The following SNX27 variants were observed in gnomAD, a reference collection of about 807,000 sequenced individuals.
The protein encoded by SNX27 is sorting nexin-27.
In SNX27, 22 loss-of-function variants were observed where a neutral mutation model predicts 71.6. The observed-to-expected ratio is 0.31, with a 90% CI of 0.22 to 0.44. The LOEUF (loss-of-function observed/expected upper bound fraction) is 0.44. SNX27 is among the 20% of genes least tolerant of loss of function. The pLI is 1.00. For missense variants in SNX27, 531 were observed against 698.6 expected (o/e 0.76, Z 2.70); for synonymous variants, 269 against 277.2 (o/e 0.97, Z 0.29).
chr1:151,672,222 A>G (rs952820133), intron 7 of SNX27, among the ~76,000 whole-genome samples: 1 of 152,102 alleles, frequency 6.6e-6, no homozygotes, highest in African/African-American at 2.4e-5. Flanking sequence ...GTTGAATTTT[A>G]TCAAATGCTT....
chr1:151,637,728 G>A (rs981509528), intron 1 of SNX27, among the ~76,000 whole-genome samples: 1 of 152,110 alleles, frequency 6.6e-6, no homozygotes, highest in African/African-American at 2.4e-5. Context: ...TATATAAATG[G>A]ATATTTCAGA....
intron 1 of SNX27, among the ~76,000 whole-genome samples, chr1:151,631,077 A>G (rs1453595443): frequency 2.6e-5 from 4 of 152,242 alleles, no homozygotes. Context: ...TAAGATAGCA[A>G]GGAGGCAGAG....
intron 1 of SNX27, among the ~76,000 whole-genome samples, chr1:151,628,348 A>G (rs377470804): frequency 3.3e-5 from 5 of 152,268 alleles, no homozygotes; most frequent in East Asian, 1.9e-4. Flanking sequence ...TAGAGGCATA[A>G]TACTCAACTG....
At chr1:151,643,178 G>T (rs970691197) in intron 2 of SNX27, among the ~76,000 whole-genome samples, 17 of 148,206 alleles carry the variant, frequency 1.1e-4, no homozygotes, top group African/African-American at 4.0e-4. Flanking sequence ...TGGTCAGGCT[G>T]GTCTGGAACT....
chr1:151,674,674 C>T (rs1214178359), intron 7 of SNX27, among the ~76,000 whole-genome samples: 1 of 151,682 alleles, frequency 6.6e-6, no homozygotes, highest in African/African-American at 2.4e-5. Flanking sequence ...AGGAAAGGAT[C>T]TCAGAATTTG....
At chr1:151,656,079 C>T (rs1045880858) in intron 2 of SNX27, among the ~76,000 whole-genome samples, 11 of 151,946 alleles carry the variant, frequency 7.2e-5, no homozygotes, top group South Asian at 2.1e-4. Flanking sequence ...AAAAATTAGC[C>T]GGCCATGGTG....
At chr1:151,651,890 A>G (rs1669402316) in intron 2 of SNX27, among the ~76,000 whole-genome samples, 1 of 151,934 alleles carries the variant, frequency 6.6e-6, no homozygotes, top group African/African-American at 2.4e-5. Flanking sequence ...AGATCACGCC[A>G]CTGCACTCCA....
intron 1 of SNX27, among the ~76,000 whole-genome samples, chr1:151,620,694 C>CTTTTTTTTTT (rs35641892): frequency 1.4e-5 from 2 of 143,736 alleles, no homozygotes; most frequent in Non-Finnish European, 1.5e-5. Flanking sequence ...TTTGAAGATG[C>CTTTTTTTTTT]TTTTTTTTTT....
chr1:151,637,182 T>TTTA (rs1668503105), intron 1 of SNX27, among the ~76,000 whole-genome samples: 2 of 134,986 alleles, frequency 1.5e-5, no homozygotes, highest in African/African-American at 2.7e-5. Context: ...TTTTTTTTTT[T>TTTA]GAGACAGAGT....
At chr1:151,659,116 T>C (rs1669838852) in intron 3 of SNX27, among the ~76,000 whole-genome samples, 1 of 152,252 alleles carries the variant, frequency 6.6e-6, no homozygotes, top group Non-Finnish European at 1.5e-5. Flanking sequence ...TGCTGTATCC[T>C]ACATGAAAAC....
intron 8 of SNX27, among the ~76,000 whole-genome samples, chr1:151,691,596 G>A (rs1276041046): frequency 3.3e-5 from 5 of 150,352 alleles, no homozygotes. Flanking sequence ...TCAGCCTTCC[G>A]AGTAGCTGGA....
At chr1:151,646,698 A>G in intron 2 of SNX27, among the ~76,000 whole-genome samples, 1 of 149,148 alleles carries the variant, frequency 6.7e-6, no homozygotes, top group East Asian at 1.9e-4. Flanking sequence ...TATAATATAT[A>G]TTTGTATTGG....
chr1:151,684,524 A>G (rs1037307307), intron 8 of SNX27, among the ~76,000 whole-genome samples: 6 of 152,240 alleles, frequency 3.9e-5, no homozygotes, highest in African/African-American at 1.2e-4. Flanking sequence ...TTAGTAAAGA[A>G]CACATAAAAA....
chr1:151,670,091 A>G (rs930386380), intron 7 of SNX27, among the ~76,000 whole-genome samples: 2 of 151,828 alleles, frequency 1.3e-5, no homozygotes, highest in Admixed American at 6.6e-5. Flanking sequence ...CTCTATCTCC[A>G]TGGGTTCAAT....
intron 2 of SNX27, among the ~76,000 whole-genome samples, chr1:151,642,568 T>A (rs1222130680): frequency 1.2e-4 from 19 of 152,088 alleles, no homozygotes; most frequent in Admixed American, 1.2e-3. Flanking sequence ...AGGACACCAA[T>A]CTTTTATGTT....
intron 5 of SNX27, among the ~76,000 whole-genome samples, chr1:151,663,411 A>G (rs1473576044): frequency 6.6e-6 from 1 of 152,076 alleles, no homozygotes; most frequent in African/African-American, 2.4e-5. Context: ...TGGCCTCCCA[A>G]AGTGCTGGGA....
intron 7 of SNX27, chr1:151,677,496 A>C (rs1262063915): frequency 6.6e-6 from 1 of 152,208 alleles, no homozygotes; most frequent in Admixed American, 6.5e-5. Context: ...CATTGCTGAG[A>C]TCTGTTTTCT....
rs941827348 is a variant in SNX27 at position 151,642,930 on chromosome 1, G to A, written c.543+3811G>A. Among the ~76,000 whole-genome samples, 20 of 147,444 alleles carry A rather than the reference G, an allele frequency of 1.4e-4. No individual in the cohort carries two copies. The South Asian group carries it at 2.8e-3, about 21-fold the overall frequency. On this transcript the variant is annotated intron_variant, in intron 2 of 11. Coordinates refer to ENST00000458013, the MANE Select transcript of SNX27 (RefSeq NM_001330723.2). Reference sequence around the variant, plus strand: ...GCTGGGACTACAGGCGTGAGCCACCGCGCCCTGCCTATTTTTTATTTTTGT... The same window carrying A: ...GCTGGGACTACAGGCGTGAGCCACCACGCCCTGCCTATTTTTTATTTTTGT...
intron 7 of SNX27, among the ~76,000 whole-genome samples, chr1:151,671,815 G>T (rs1346265126): frequency 6.6e-6 from 1 of 151,480 alleles, no homozygotes; most frequent in Non-Finnish European, 1.5e-5. Flanking sequence ...GTTCACTGTT[G>T]GCATATAGAA....
Sources: gnomAD v4.1 joint callset for allele counts (sites outside exome capture counted in the v4.1 genomes callset) on GRCh38, gnomAD v4.1.1 for gene constraint, MANE v1.5 for transcripts, NCBI Gene and HGNC (gene_info 2026-07-23, HGNC 2026-07-21) for gene names.